SPHKAP: variants seen among roughly 807,000 people sequenced by gnomAD.
SPHKAP encodes the protein SPHK1 interactor, AKAP domain containing.
In SPHKAP, 67 loss-of-function variants were observed where a neutral mutation model predicts 137.5. The observed-to-expected ratio is 0.49, with a 90% confidence interval of 0.40 to 0.60. The LOEUF (loss-of-function observed/expected upper bound fraction) is 0.60. Among genes scored for constraint, SPHKAP ranks in the 20% least tolerant of loss-of-function variants. The probability of loss-of-function intolerance (pLI) is 0.00; values close to 1 mark genes in which losing one functional copy is unlikely to be tolerated. For synonymous variants in SPHKAP, 813 were observed against 785.3 expected, an observed-to-expected ratio of 1.04 and a Z score of -0.59; for missense variants, 2,097 against 2,069.3, an observed-to-expected ratio of 1.01 and a Z score of -0.26.
chr2:228,019,878 C>T lies in SPHKAP; in HGVS notation c.976G>A (p.Glu326Lys). 6.2e-7 allele frequency: 1 copy of T among 1,614,210 alleles called. No homozygotes were observed. The highest frequency in any genetic ancestry group is 8.5e-7 in the Non-Finnish European group (1 of 1,180,030). Residue 326 changes from glutamate (E) to lysine (K), a missense_variant, in exon 7 of 12, where the codon GAA (glutamate) becomes AAA (lysine). Glu to Lys is a moderately conservative substitution (Grantham distance 56, BLOSUM62 1). Coordinates refer to ENST00000392056, the MANE Select transcript of SPHKAP (RefSeq NM_001142644.2). ...TTTTCCATTTGACCTTTAAAAGCTTCTGAATGATAATAATGTGTGGCTTGT... is the reference window on the plus strand; with the variant it reads ...TTTTCCATTTGACCTTTAAAAGCTTTTGAATGATAATAATGTGTGGCTTGT... ...GRQATHYYHS[E>K]AFKGQMEKSQ...
chr2:228,181,687 TG>T, upstream of SPHKAP: 1 of 1,612,730 alleles, frequency 6.2e-7, no homozygotes, highest in African/African-American at 1.3e-5. This position sits in a 1 kb window ranked among gnomAD's most constrained non-coding sequence, Gnocchi z 4.3. Context: ...AGTGCCAGAC[TG>T]GCGCGCGCCA....
chr2:227,982,904 T>A (rs928566871), intron 11 of SPHKAP, among the ~76,000 whole-genome samples: 1 of 152,048 alleles, frequency 6.6e-6, no homozygotes, highest in Non-Finnish European at 1.5e-5. Flanking sequence ...CAAGCGTGAG[T>A]CAAATACATT....
At chr2:228,004,608 G>A (rs1417070395) in intron 7 of SPHKAP, among the ~76,000 whole-genome samples, 1 of 152,132 alleles carries the variant, frequency 6.6e-6, no homozygotes, top group African/African-American at 2.4e-5. Context: ...TCTTTTGCAT[G>A]TGTTTGCTCT....
At chr2:228,031,089 C>A (rs1203920177) in intron 3 of SPHKAP, among the ~76,000 whole-genome samples, 3 of 152,230 alleles carry the variant, frequency 2.0e-5, no homozygotes, top group Admixed American at 6.5e-5. Flanking sequence ...TTGGGAAGAG[C>A]AAGGGGTCAG....
intron 3 of SPHKAP, among the ~76,000 whole-genome samples, chr2:228,030,554 A>AAAG (rs144401199): frequency 5.6e-4 from 78 of 140,194 alleles, no homozygotes; most frequent in Non-Finnish European, 7.9e-4. Flanking sequence ...AAAAAAAAAA[A>AAAG]AATAAAAAAA....
chr2:228,128,265 C>A (rs1699139923), intron 2 of SPHKAP, among the ~76,000 whole-genome samples: 1 of 152,154 alleles, frequency 6.6e-6, no homozygotes, highest in Admixed American at 6.6e-5. Context: ...ATTCTGAATC[C>A]TTTGTTGTCA....
intron 1 of SPHKAP, among the ~76,000 whole-genome samples, chr2:228,155,239 T>C (rs1700075475): frequency 6.6e-6 from 1 of 151,924 alleles, no homozygotes; most frequent in Non-Finnish European, 1.5e-5. Flanking sequence ...TTTTTTTGGG[T>C]GAGACAAAAG....
intron 1 of SPHKAP, among the ~76,000 whole-genome samples, chr2:228,166,091 T>C (rs72617142): frequency 0.038 from 5,816 of 152,208 alleles, 419 homozygotes; most frequent in East Asian, 0.25. Flanking sequence ...GACTATGACA[T>C]GATAGGTGCC....
At chr2:228,096,676 G>C (rs1194035497) in intron 3 of SPHKAP, among the ~76,000 whole-genome samples, 13 of 151,522 alleles carry the variant, frequency 8.6e-5, no homozygotes, top group Admixed American at 8.6e-4. Flanking sequence ...GTCTGCGTGT[G>C]TGTCCACTAA....
At chr2:228,066,752 G>T (rs1158827473) in intron 3 of SPHKAP, among the ~76,000 whole-genome samples, 1 of 152,162 alleles carries the variant, frequency 6.6e-6, no homozygotes, top group East Asian at 1.9e-4. Context: ...GAGCTGTTTG[G>T]AGCAAAAGGA....
intron 3 of SPHKAP, among the ~76,000 whole-genome samples, chr2:228,043,044 C>T (rs540437973): frequency 2.2e-4 from 33 of 152,182 alleles, no homozygotes; most frequent in African/African-American, 5.5e-4. Context: ...CAATTTAAAA[C>T]GGAAATATAG....
At chr2:228,014,873 C>T (rs1044723203) in intron 7 of SPHKAP, among the ~76,000 whole-genome samples, 1 of 151,952 alleles carries the variant, frequency 6.6e-6, no homozygotes, top group African/African-American at 2.4e-5. Flanking sequence ...GTTTTCCAAG[C>T]CCAGTAGCTT....
intron 3 of SPHKAP, chr2:228,027,960 GAAAA>G (rs113514692): frequency 6.7e-5 from 54 of 804,730 alleles, no homozygotes; most frequent in South Asian, 1.8e-4. Flanking sequence ...GACTGCATCT[GAAAA>G]AAAAAAAAAA....
chr2:228,030,234 G>A (rs902386257), intron 3 of SPHKAP, among the ~76,000 whole-genome samples: 7 of 151,970 alleles, frequency 4.6e-5, no homozygotes, highest in Admixed American at 1.3e-4. Flanking sequence ...ATGGAATAAC[G>A]GCCGCGTACG....
At chr2:228,105,786 T>A (rs193132016) in intron 3 of SPHKAP, among the ~76,000 whole-genome samples, 238 of 152,258 alleles carry the variant, frequency 1.6e-3, no homozygotes, top group East Asian at 3.5e-3. Flanking sequence ...ACCATATGAG[T>A]TGTGCCTTTT....
chr2:228,046,073 A>G (rs532717286), intron 3 of SPHKAP, among the ~76,000 whole-genome samples: 34 of 151,922 alleles, frequency 2.2e-4, no homozygotes, highest in Non-Finnish European at 4.9e-4. Context: ...CCTTCATCCC[A>G]CCCCCTACAC....
chr2:228,040,028 A>G (rs1449808427), intron 3 of SPHKAP, among the ~76,000 whole-genome samples: 1 of 151,826 alleles, frequency 6.6e-6, no homozygotes, highest in Non-Finnish European at 1.5e-5. Flanking sequence ...CCTCTGCTTG[A>G]TTTTTTTTCA....
chr2:228,017,068 G>A lies in SPHKAP; in HGVS notation c.3786C>T (p.Gly1262=), dbSNP rs754603132. The A allele has an allele frequency of 8.1e-6, 13 of 1,614,144 alleles. No homozygotes were observed. The highest frequency in any genetic ancestry group is 1.0e-5 in the Non-Finnish European group (12 of 1,180,034). The part of the protein sequence containing the change: ...NVPIKANSLD[G]FAQNCPQDFL... ...AATCTTGTGGGCAGTTCTGAGCAAA[G>A]CCATCTAAAGAGTTGGCTTTGATGG... is the stretch of plus-strand genomic sequence containing the variant. Residue 1262 remains glycine (G), a synonymous_variant, in exon 7 of 12, where the codon GGC becomes GGT. Coordinates refer to ENST00000392056, the MANE Select transcript of SPHKAP (RefSeq NM_001142644.2).
At chr2:228,007,672 A>G (rs935269647) in intron 7 of SPHKAP, among the ~76,000 whole-genome samples, 6 of 152,186 alleles carry the variant, frequency 3.9e-5, no homozygotes, top group African/African-American at 1.4e-4. Flanking sequence ...ATTACAAAGC[A>G]ATAGTAATTA....
Sources: allele counts gnomAD v4.1 joint callset (sites outside exome capture counted in the v4.1 genomes callset), GRCh38; gene constraint gnomAD v4.1.1; non-coding constraint Gnocchi (gnomAD v3.1); transcripts MANE v1.5; gene names NCBI Gene and HGNC (gene_info 2026-07-23, HGNC 2026-07-21).